Variants in IL1B observed in about 807,000 individuals in gnomAD.
The protein encoded by IL1B is interleukin 1 beta, also known as interleukin-1 beta.
Under a neutral mutation model 26.2 loss-of-function variants are expected in IL1B, and 11 were observed. The ratio of observed to expected loss-of-function variants is 0.42; its 90% CI spans 0.26 to 0.70. The LOEUF is 0.70. Among genes scored for constraint, IL1B ranks in the 30% least tolerant of loss-of-function variants. The probability of loss-of-function intolerance (pLI) is 0.25; values close to 1 mark genes in which losing one functional copy is unlikely to be tolerated. For synonymous variants in IL1B, 118 were observed against 120.8 expected, an observed-to-expected ratio of 0.98 and a Z score of 0.15; for missense variants, 255 against 327.5, an observed-to-expected ratio of 0.78 and a Z score of 1.71.
chr2:112,831,257 G>C, intron 6 of IL1B, 35 bp downstream of exon 6: 1 of 1,612,858 alleles, frequency 6.2e-7, no homozygotes, highest in Non-Finnish European at 8.5e-7. Context: ...GTAGCAGGAG[G>C]CTGAGAAGGG....
At chr2:112,833,000 C>A in intron 4 of IL1B, 174 bp from the exon 5 acceptor site, 1 of 678,558 alleles carries the variant, frequency 1.5e-6, no homozygotes, top group South Asian at 1.6e-5. Context: ...CTGGACCTGA[C>A]ACTATTAGAC....
At chr2:112,833,700 C>A in intron 3 of IL1B, 125 bp from the exon 4 acceptor site, 1 of 910,750 alleles carries the variant, frequency 1.1e-6, no homozygotes. Flanking sequence ...TTCTAAAGAT[C>A]ATCCCTCTCT....
At chr2:112,833,642 A>G in intron 3 of IL1B, 67 bp from the exon 4 acceptor site, 1 of 1,413,158 alleles carries the variant, frequency 7.1e-7, no homozygotes, top group Non-Finnish European at 1.0e-6. Context: ...TTGACATCAG[A>G]GAGTAGAAAG....
At position 112,830,443 on chromosome 2, in the gene IL1B, G is replaced by C. The variant is rs1198799631; in HGVS notation, c.728C>G (p.Ala243Gly). 6 of 1,614,078 alleles carry C rather than the reference G, an allele frequency of 3.7e-6. No homozygotes were observed. The highest frequency in any genetic ancestry group is 4.2e-6 in the Non-Finnish European group (5 of 1,180,008). Residue 243 changes from alanine (A) to glycine (G), a missense_variant, in exon 7 of 7, where the codon GCA becomes GGA. Coordinates refer to ENST00000263341, the MANE Select transcript of IL1B (RefSeq NM_000576.3). ...FPNWYISTSQ[A>G]ENMPVFLGGT... Reference sequence around the variant, plus strand: ...TCCCAGGAAGACGGGCATGTTTTCTGCTTGAGAGGTGCTGATGTACCAGTT... The same window carrying C: ...TCCCAGGAAGACGGGCATGTTTTCTCCTTGAGAGGTGCTGATGTACCAGTT...
rs1441745102 is a variant in IL1B at position 112,830,281 on chromosome 2, A to C, written c.*80T>G. On this transcript the variant is annotated 3_prime_UTR_variant, in exon 7 of 7. Coordinates refer to ENST00000263341, the MANE Select transcript of IL1B (RefSeq NM_000576.3). ...GAAAGTCCAGGCTATAGCCGTACTC[A>C]AAAACCTTTCTGTTCCCTTTCTGCC... is the stretch of plus-strand genomic sequence containing the variant. The C allele has an allele frequency of 7.9e-7, 1 of 1,258,768 alleles. No homozygotes were observed. The highest frequency in any genetic ancestry group is 1.5e-5 in the African/African-American group (1 of 67,942). 78.0% of individuals were successfully genotyped at this position (1,258,768 alleles called of 1,614,324 possible). A position where few individuals can be genotyped will look rare whatever the true frequency, so the allele number is the denominator to read the frequency against.
At chr2:112,831,444 G>T in intron 5 of IL1B, 22 bp from the exon 6 acceptor site, 3 of 1,612,180 alleles carry the variant, frequency 1.9e-6, no homozygotes, top group Non-Finnish European at 2.5e-6. Context: ...AGGGGGTCTT[G>T]TGGTTAGGGA....
chr2:112,833,454 A>G lies in IL1B; in HGVS notation c.221T>C (p.Leu74Pro). 1 of 1,614,200 alleles carries G rather than the reference A, an allele frequency of 6.2e-7. No individual in the cohort carries two copies. Among genetic ancestry groups the G allele is most frequent in the Non-Finnish European group, 8.5e-7 (1 of 1,180,028 alleles). ...AASVVVAMDK[L>P]RKMLVPCPQT... ...TGGGCAGGGAACCAGCATCTTCCTCAGCTTGTCCATGGCCACAACAACTGA... is the reference window on the plus strand; with the variant it reads ...TGGGCAGGGAACCAGCATCTTCCTCGGCTTGTCCATGGCCACAACAACTGA... The change falls in exon 4 of 7, where the codon CTG (leucine) becomes CCG (proline). Residue 74 changes from leucine (L) to proline (P), a missense_variant. Coordinates refer to ENST00000263341, the MANE Select transcript of IL1B (RefSeq NM_000576.3).
At chr2:112,836,463 A>T (rs930802970) in intron 1 of IL1B, 15 of 498,728 alleles carry the variant, frequency 3.0e-5, no homozygotes, top group Admixed American at 6.1e-5. Flanking sequence ...AGAGGCTTTG[A>T]CACTAACCTT....
intron 2 of IL1B, 32 bp from the exon 3 acceptor site, chr2:112,835,649 T>C (rs781386225): frequency 1.9e-6 from 3 of 1,583,154 alleles, no homozygotes; most frequent in Non-Finnish European, 2.6e-6. Flanking sequence ...GTCTCAATTA[T>C]GTCTTCTAAA....
At chr2:112,835,520 G>C in intron 3 of IL1B, 46 bp downstream of exon 3, 2 of 1,493,686 alleles carry the variant, frequency 1.3e-6, no homozygotes, top group South Asian at 2.3e-5. Context: ...AGCTTTCCCT[G>C]TGTTAGAGCC....
chr2:112,831,475 C>T (rs1452173150), intron 5 of IL1B, 53 bp from the exon 6 acceptor site: 2 of 1,605,516 alleles, frequency 1.2e-6, no homozygotes, highest in African/African-American at 2.7e-5. Context: ...CAGGGTCACC[C>T]CAACCCCTAG....
intron 5 of IL1B, among the ~76,000 whole-genome samples, chr2:112,832,146 C>T (rs753595414): frequency 2.6e-4 from 39 of 152,132 alleles, no homozygotes; most frequent in African/African-American, 5.6e-4. Flanking sequence ...ATGGGTTCAC[C>T]GCACTTGAAA....
intron 2 of IL1B, among the ~76,000 whole-genome samples, chr2:112,835,836 T>A (rs1026388040): frequency 6.6e-6 from 1 of 152,184 alleles, no homozygotes; most frequent in Non-Finnish European, 1.5e-5. Flanking sequence ...CCCTGTTGGA[T>A]CTTGAGGCCT....
rs1133558 is a variant in IL1B at position 112,836,731 on chromosome 2, G to C, written c.-39C>G. ...ACTTGAGCAATGAAGATTGGCTGAA[G>C]AGAATCCCAGAGCAGCCTGTTGTGC... On this transcript the variant is annotated 5_prime_UTR_variant, in exon 1 of 7. Transcript: ENST00000263341. The C allele has an allele frequency of 6.2e-6, 1 of 162,498 alleles. No homozygotes were observed. The highest frequency in any genetic ancestry group is 2.4e-5 in the African/African-American group (1 of 41,660). The allele number at this position is 162,498 out of a possible 1,614,324, so 10.1% of individuals were successfully genotyped here. A position where few individuals can be genotyped will look rare whatever the true frequency, so the allele number is the denominator to read the frequency against.
chr2:112,832,376 T>C (rs150311638), intron 5 of IL1B, among the ~76,000 whole-genome samples: 3 of 152,204 alleles, frequency 2.0e-5, no homozygotes, highest in Middle Eastern at 3.4e-3. Flanking sequence ...GACCCCATAT[T>C]GTGGAAGAAT....
intron 6 of IL1B, 94 bp from the exon 7 acceptor site, chr2:112,830,667 G>T: frequency 1.1e-6 from 1 of 884,370 alleles, no homozygotes; most frequent in Middle Eastern, 2.1e-4. Context: ...GGAAACTGAC[G>T]AGCAGGTCAC....
At chr2:112,835,103 T>C (rs1310216847) in intron 3 of IL1B, 1 of 193,154 alleles carries the variant, frequency 5.2e-6, no homozygotes, top group African/African-American at 2.3e-5. Flanking sequence ...CAATTCATCT[T>C]TTTGTTTATA....
intron 1 of IL1B, 120 bp from the exon 2 acceptor site, chr2:112,836,364 TG>T (rs1261609184): frequency 2.6e-6 from 2 of 772,894 alleles, no homozygotes; most frequent in Admixed American, 2.0e-5. Context: ...AATGAATGAA[TG>T]TGTGAAAGAG....
chr2:112,830,673 G>T, intron 6 of IL1B, 100 bp from the exon 7 acceptor site: 2 of 843,634 alleles, frequency 2.4e-6, no homozygotes, highest in Non-Finnish European at 4.0e-6. Context: ...TGACGAGCAG[G>T]TCACATGATC....
Sources: gnomAD v4.1 joint callset for allele counts (sites outside exome capture counted in the v4.1 genomes callset) on GRCh38, gnomAD v4.1.1 for gene constraint, MANE v1.5 for transcripts, NCBI Gene and HGNC (gene_info 2026-07-23, HGNC 2026-07-21) for gene names.